FGB: variants seen among roughly 807,000 people sequenced by gnomAD.
FGB encodes beta-fibrinogen.
Under a neutral mutation model 57.9 loss-of-function variants are expected in FGB, and 25 were observed. That is an observed-to-expected ratio of 0.43 (90% CI 0.31 to 0.60). FGB has a LOEUF of 0.60. Among genes scored for constraint, FGB ranks in the 20% least tolerant of loss-of-function variants. The probability of loss-of-function intolerance (pLI) is 0.08; values close to 1 mark genes in which losing one functional copy is unlikely to be tolerated. For synonymous variants in FGB, 203 were observed against 199.2 expected, an observed-to-expected ratio of 1.02 and a Z score of -0.16; for missense variants, 536 against 598.4, an observed-to-expected ratio of 0.90 and a Z score of 1.09.
intron 1 of FGB, chr4:154,565,250 C>T (rs1045888420): frequency 9.1e-6 from 4 of 439,054 alleles, no homozygotes; most frequent in African/African-American, 2.1e-5. Context: ...GTCAACCCTA[C>T]GGTCAAGACC....
chr4:154,570,589 G>A lies in FGB; in HGVS notation c.1415G>A (p.Gly472Glu). ...GGTGTAGTATGGATGAATTGGAAGG[G>A]GTCATGGTACTCAATGAGGAAGATG... Reference protein sequence around the residue: ...DDGVVWMNWKGSWYSMRKMSM... With the variant: ...DDGVVWMNWKESWYSMRKMSM... The change falls in exon 8 of 8, where the codon GGG becomes GAG. Residue 472 changes from glycine (G) to glutamate (E), a missense_variant. Transcript: ENST00000302068. 6.2e-7 allele frequency: 1 copy of A among 1,614,084 alleles called. No homozygotes were observed. The highest frequency in any genetic ancestry group is 1.3e-5 in the African/African-American group (1 of 74,992).
intron 1 of FGB, 56 bp from the exon 2 acceptor site, chr4:154,565,752 T>C (rs1248271097): frequency 1.3e-6 from 2 of 1,523,872 alleles, no homozygotes; most frequent in Non-Finnish European, 1.8e-6. Context: ...TTGGAATAGT[T>C]ACATTCCAAA....
Position 154,566,536 on chromosome 4 carries a change from A to G in FGB, c.354A>G (p.Gln118=), listed in dbSNP as rs1190293597. Reference sequence around the variant, plus strand: ...GTCAGTTGCAAGAGGCTTTGCTACAACAGGAAAGGCCAATCAGAAATAGTG... The same window carrying G: ...GTCAGTTGCAAGAGGCTTTGCTACAGCAGGAAAGGCCAATCAGAAATAGTG... The part of the protein sequence containing the change: ...TGCQLQEALL[Q]QERPIRNSVD... The change falls in exon 3 of 8, where the codon CAA becomes CAG. Residue 118 remains glutamine (Q), a synonymous_variant. Transcript: ENST00000302068. 1 of 1,614,202 alleles carries G rather than the reference A, an allele frequency of 6.2e-7. No individual in the cohort carries two copies. Among genetic ancestry groups the G allele is most frequent in the Non-Finnish European group, 8.5e-7 (1 of 1,180,030 alleles).
intron 1 of FGB, among the ~76,000 whole-genome samples, chr4:154,563,623 C>T (rs1380209118): frequency 6.6e-6 from 1 of 151,806 alleles, no homozygotes; most frequent in Non-Finnish European, 1.5e-5. Context: ...CAAAATACAT[C>T]AAGTGTAATG....
chr4:154,565,996 C>G lies in FGB; in HGVS notation c.303C>G (p.Asp101Glu), dbSNP rs1730144266. 3 of 1,612,592 alleles carry G rather than the reference C, an allele frequency of 1.9e-6. No individual in the cohort carries two copies. The highest frequency in any genetic ancestry group is 1.3e-5 in the African/African-American group (1 of 74,892). ...DAGGCLHADP[D>E]LGVLCPTGCQ... ...GAGGCTGTCTTCACGCTGACCCAGA[C>G]CTGGTGGGTGCACTGATGTTTCTTG... Residue 101 changes from aspartate (D) to glutamate (E), a missense_variant, in exon 2 of 8, where the codon GAC becomes GAG. Asp to Glu is a conservative substitution (Grantham distance 45). Transcript: ENST00000302068.
At position 154,566,008 on chromosome 4, in the gene FGB, A is replaced by G; in HGVS notation, c.306+9A>G. 6.2e-7 allele frequency: 1 copy of G among 1,611,964 alleles called. No homozygotes were observed. The highest frequency in any genetic ancestry group is 1.1e-5 in the South Asian group (1 of 90,980). ...ACGCTGACCCAGACCTGGTGGGTGC[A>G]CTGATGTTTCTTGCAGTGGTGGCTC... On this transcript the variant is annotated intron_variant, in intron 2 of 7. Coordinates refer to ENST00000302068, the MANE Select transcript of FGB (RefSeq NM_005141.5).
Position 154,565,894 on chromosome 4 carries a change from T to A in FGB, c.201T>A (p.Ser67Arg). The change falls in exon 2 of 8, where the codon AGT (serine) becomes AGA (arginine). Residue 67 changes from serine (S) to arginine (R), a missense_variant. Transcript: ENST00000302068. ...TGAGGCCTGCCCCACCGCCCATCAG[T>A]GGAGGTGGCTATCGGGCTCGTCCAG... The part of the protein sequence containing the change: ...PSLRPAPPPI[S>R]GGGYRARPAK... 6.2e-7 allele frequency: 1 copy of A among 1,613,968 alleles called. No individual in the cohort carries two copies. Among genetic ancestry groups the A allele is most frequent in the Non-Finnish European group, 8.5e-7 (1 of 1,179,906 alleles).
At position 154,571,944 on chromosome 4, in the gene FGB, C is replaced by T. The variant is rs1231944434; in HGVS notation, c.*1294C>T. Among the ~76,000 whole-genome samples, 1 of 152,158 alleles carries T rather than the reference C, an allele frequency of 6.6e-6. No individual in the cohort carries two copies. The highest frequency in any genetic ancestry group is 2.4e-5 in the African/African-American group (1 of 41,416). On this transcript the variant is annotated 3_prime_UTR_variant, in exon 8 of 8. Coordinates refer to ENST00000302068, the MANE Select transcript of FGB (RefSeq NM_005141.5). ...TGCTACTACTCTCTTTAATTACTCA[C>T]CAAATCCAACTTTAACTTTTGACCT...
chr4:154,566,605 C>A lies in FGB; in HGVS notation c.423C>A (p.Ser141=). The change falls in exon 3 of 8, where the codon TCC becomes TCA. Residue 141 remains serine (S), a synonymous_variant. Coordinates refer to ENST00000302068, the MANE Select transcript of FGB (RefSeq NM_005141.5). ...NNNVEAVSQT[S]SSSFQYMYLL... ...ATGTGGAAGCTGTTTCCCAGACCTC[C>A]TCTTCTTCCTTTCAGTACATGTATT... 6.2e-7 allele frequency: 1 copy of A among 1,614,156 alleles called. No homozygotes were observed. The highest frequency in any genetic ancestry group is 8.5e-7 in the Non-Finnish European group (1 of 1,180,022).
At position 154,570,384 on chromosome 4, in the gene FGB, C is replaced by A. The variant is rs369092527; in HGVS notation, c.1245-35C>A. 2.6e-6 allele frequency: 4 copies of A among 1,537,060 alleles called. No individual in the cohort carries two copies. The African/African-American group carries it at 4.1e-5, about 16-fold the overall frequency. On this transcript the variant is annotated intron_variant, in intron 7 of 7. Transcript: ENST00000302068. ...AAAACGTAACTTGACCACCGTAGTTCTGTTTCTAATAACGCCAAACACATT... is the reference window on the plus strand; with the variant it reads ...AAAACGTAACTTGACCACCGTAGTTATGTTTCTAATAACGCCAAACACATT...
chr4:154,568,808 T>C (rs1730288121), intron 5 of FGB, among the ~76,000 whole-genome samples: 1 of 151,104 alleles, frequency 6.6e-6, no homozygotes, highest in South Asian at 2.1e-4. Context: ...GTCTTGATCA[T>C]GCTACTGAAC....
chr4:154,566,644 G>A lies in FGB; in HGVS notation c.462G>A (p.Leu154=). ...AGTACATGTATTTGCTGAAAGACCTGTGGCAAAAGAGGCAGAAGCAAGTAA... is the reference window on the plus strand; with the variant it reads ...AGTACATGTATTTGCTGAAAGACCTATGGCAAAAGAGGCAGAAGCAAGTAA... The part of the protein sequence containing the change: ...SFQYMYLLKD[L]WQKRQKQVKD... The change falls in exon 3 of 8, where the codon CTG becomes CTA. Residue 154 remains leucine (L), a synonymous_variant. Transcript: ENST00000302068. 6.2e-7 allele frequency: 1 copy of A among 1,614,148 alleles called. No individual in the cohort carries two copies. Among genetic ancestry groups the A allele is most frequent in the African/African-American group, 1.3e-5 (1 of 75,038 alleles).
chr4:154,568,733 A>G (rs939530498), intron 5 of FGB, among the ~76,000 whole-genome samples: 1 of 150,140 alleles, frequency 6.7e-6, no homozygotes, highest in African/African-American at 2.4e-5. Context: ...TGTTGGTAGT[A>G]TGTGCCTGTA....
At chr4:154,563,225 C>T (rs2110751439) in intron 1 of FGB, 93 bp downstream of exon 1, 1 of 632,920 alleles carries the variant, frequency 1.6e-6, no homozygotes, top group Non-Finnish European at 2.8e-6. Flanking sequence ...ATGAAATTAG[C>T]ATTGCTTATA....
rs1294699001 is a variant in FGB at position 154,565,939 on chromosome 4, A to G, written c.246A>G (p.Gln82=). 2 of 1,614,050 alleles carry G rather than the reference A, an allele frequency of 1.2e-6. No homozygotes were observed. The highest frequency in any genetic ancestry group is 1.3e-5 in the African/African-American group (1 of 75,010). ...RARPAKAAAT[Q]KKVERKAPDA... is the part of the protein sequence containing the mutation. ...GTCCAGCCAAAGCAGCTGCCACTCAAAAGAAAGTAGAAAGAAAAGCCCCTG... is the reference window on the plus strand; with the variant it reads ...GTCCAGCCAAAGCAGCTGCCACTCAGAAGAAAGTAGAAAGAAAAGCCCCTG... The change falls in exon 2 of 8, where the codon CAA becomes CAG. Residue 82 remains glutamine (Q), a synonymous_variant. Transcript: ENST00000302068.
intron 1 of FGB, among the ~76,000 whole-genome samples, chr4:154,564,324 T>A (rs1160551487): frequency 6.6e-6 from 1 of 152,046 alleles, no homozygotes; most frequent in Non-Finnish European, 1.5e-5. Context: ...AGCCAGACCA[T>A]CCATGCTACC....
intron 7 of FGB, 62 bp downstream of exon 7, chr4:154,569,861 T>G: frequency 6.3e-7 from 1 of 1,586,950 alleles, no homozygotes; most frequent in Non-Finnish European, 8.7e-7. Flanking sequence ...CTCAGAATCA[T>G]TAACAATATT....
rs369272403 is a variant in FGB, at chr4:154,568,408, G to T, written c.746G>T (p.Gly249Val). Residue 249 changes from glycine (G) to valine (V), a missense_variant, in exon 5 of 8, where the codon GGT becomes GTT. Gly to Val is a moderately radical substitution (Grantham distance 109). Coordinates refer to ENST00000302068, the MANE Select transcript of FGB (RefSeq NM_005141.5). ...TGTGAGGAAATTATCAGGAAAGGAGGTGAAACATCTGAAATGTATCTCATT... is the reference window on the plus strand; with the variant it reads ...TGTGAGGAAATTATCAGGAAAGGAGTTGAAACATCTGAAATGTATCTCATT... ...KECEEIIRKGGETSEMYLIQP... is the reference protein window; with the variant it reads ...KECEEIIRKGVETSEMYLIQP... 11 of 1,602,678 alleles carry T rather than the reference G, an allele frequency of 6.9e-6. No individual in the cohort carries two copies. The highest frequency in any genetic ancestry group is 9.4e-6 in the Non-Finnish European group (11 of 1,169,730).
At chr4:154,566,439 T>C in intron 2 of FGB, 50 bp from the exon 3 acceptor site, 1 of 1,542,166 alleles carries the variant, frequency 6.5e-7, no homozygotes, top group South Asian at 1.1e-5. Flanking sequence ...TTAACAAATG[T>C]CCATGACCCA....
Sources: gnomAD v4.1 joint callset for allele counts (sites outside exome capture counted in the v4.1 genomes callset) on GRCh38, gnomAD v4.1.1 for gene constraint, MANE v1.5 for transcripts, NCBI Gene and HGNC (gene_info 2026-07-23, HGNC 2026-07-21) for gene names.